The following RTL4 variants were observed in gnomAD, a reference collection of about 807,000 sequenced individuals.
The protein encoded by RTL4 is retrotransposon Gag-like protein 4.
Under a neutral mutation model 5.3 loss-of-function variants are expected in RTL4, and 4 were observed. The observed-to-expected ratio is 0.75, with a 90% CI of 0.37 to 1.72. RTL4 has a LOEUF of 1.72. Among genes scored for constraint, RTL4 ranks in the 40% most tolerant of loss-of-function variants. The pLI is 0.04. For missense variants in RTL4, 260 were observed against 227.1 expected, an observed-to-expected ratio of 1.14 and a Z score of -0.93; for synonymous variants, 98 against 87.3, an observed-to-expected ratio of 1.12 and a Z score of -0.68.
At chrX:112,086,812 A>G in the RTL4 span, among the ~76,000 whole-genome samples, 1 of 112,387 alleles carries the variant, frequency 8.9e-6, no homozygotes, top group African/African-American at 3.2e-5. Context: ...TATTTAAATA[A>G]AAGTTTTGCC....
chrX:112,331,657 G>A, the RTL4 span, among the ~76,000 whole-genome samples: 1 of 106,691 alleles, frequency 9.4e-6, no homozygotes, highest in African/African-American at 3.4e-5. Context: ...GCCATTACTG[G>A]GTATATACCC....
chrX:112,096,854 G>A, the RTL4 span, among the ~76,000 whole-genome samples: 1 of 112,296 alleles, frequency 8.9e-6, no homozygotes, highest in Non-Finnish European at 1.9e-5. Context: ...ATTGGAAGAT[G>A]CCATCATGAC....
At chrX:112,288,751 G>T in the RTL4 span, among the ~76,000 whole-genome samples, 1 of 111,584 alleles carries the variant, frequency 9.0e-6, no homozygotes, top group African/African-American at 3.3e-5. Flanking sequence ...CTGTAATATT[G>T]CTGGTCATGA....
chrX:112,284,645 T>C, the RTL4 span, among the ~76,000 whole-genome samples: 1 of 111,299 alleles, frequency 9.0e-6, no homozygotes, highest in Non-Finnish European at 1.9e-5. Flanking sequence ...GTTCAGGTTG[T>C]AATCATTCTA....
chrX:112,324,433 GT>G, the RTL4 span, among the ~76,000 whole-genome samples: 1 of 111,161 alleles, frequency 9.0e-6, no homozygotes, highest in South Asian at 3.7e-4. Context: ...ATGCTATATA[GT>G]TTTTTTTGCT....
the RTL4 span, among the ~76,000 whole-genome samples, chrX:112,336,300 C>A: frequency 9.0e-6 from 1 of 111,488 alleles, no homozygotes; most frequent in Non-Finnish European, 1.9e-5. Context: ...GCTGTCTTAC[C>A]TGAGAAAGGC....
At chrX:112,217,841 A>T in the RTL4 span, among the ~76,000 whole-genome samples, 3 of 111,696 alleles carry the variant, frequency 2.7e-5, no homozygotes, top group Non-Finnish European at 5.6e-5. Flanking sequence ...TTTCATTAAG[A>T]CTTAATTCTC....
At chrX:112,222,123 A>C in the RTL4 span, among the ~76,000 whole-genome samples, 4 of 111,720 alleles carry the variant, frequency 3.6e-5, no homozygotes, top group African/African-American at 9.8e-5. Context: ...ATTTTCTTGA[A>C]TATATGGAGG....
At chrX:112,343,781 C>T in the RTL4 span, among the ~76,000 whole-genome samples, 4,584 of 111,375 alleles carry the variant, frequency 0.041, 249 homozygotes, top group African/African-American at 0.14. Context: ...TGGTCAGAAG[C>T]GGGAGGAAAC....
At chrX:112,330,353 T>C in the RTL4 span, among the ~76,000 whole-genome samples, 1 of 87,027 alleles carries the variant, frequency 1.1e-5, no homozygotes, top group Non-Finnish European at 2.1e-5. Context: ...ACAAGCATTC[T>C]TATACACCAA....
chrX:112,352,785 A>T, the RTL4 span, among the ~76,000 whole-genome samples: 25 of 111,759 alleles, frequency 2.2e-4, no homozygotes, highest in African/African-American at 6.5e-4. Flanking sequence ...GGACTTCATG[A>T]CTAAAACACC....
At chrX:112,318,297 C>G in the RTL4 span, among the ~76,000 whole-genome samples, 1 of 111,560 alleles carries the variant, frequency 9.0e-6, no homozygotes, top group African/African-American at 3.3e-5. Flanking sequence ...CCTTAAACAT[C>G]TTACCCAATA....
At chrX:112,090,410 G>T in the RTL4 span, among the ~76,000 whole-genome samples, 1 of 111,130 alleles carries the variant, frequency 9.0e-6, no homozygotes, top group South Asian at 3.7e-4. Flanking sequence ...CAGGTTGAAG[G>T]AGTTGCTTTC....
At chrX:112,100,958 G>C in the RTL4 span, among the ~76,000 whole-genome samples, 1 of 111,853 alleles carries the variant, frequency 8.9e-6, no homozygotes, top group Non-Finnish European at 1.9e-5. Context: ...CCTTACAACT[G>C]TCTTAGTTTT....
exon 1 of RTL4, chrX:112,454,504 T>C: frequency 8.2e-6 from 3 of 365,809 alleles, no homozygotes; most frequent in Non-Finnish European, 1.4e-5. Flanking sequence ...TTGCAGACCA[T>C]TGGCCTTTTC....
the RTL4 span, among the ~76,000 whole-genome samples, chrX:112,309,891 C>T: frequency 1.3e-4 from 13 of 102,306 alleles, no homozygotes; most frequent in African/African-American, 4.9e-4. Flanking sequence ...TACACACACA[C>T]ACACATATAT....
the RTL4 span, among the ~76,000 whole-genome samples, chrX:112,217,896 A>G: frequency 2.7e-5 from 3 of 111,419 alleles, no homozygotes; most frequent in Non-Finnish European, 5.6e-5. Context: ...CCTTGCAAAA[A>G]TGGAAATCAA....
chrX:112,234,421 T>C, the RTL4 span, among the ~76,000 whole-genome samples: 1 of 111,132 alleles, frequency 9.0e-6, no homozygotes, highest in South Asian at 3.8e-4. Flanking sequence ...CCTGGATTAA[T>C]ACAAAATAGT....
the RTL4 span, among the ~76,000 whole-genome samples, chrX:112,166,154 C>T: frequency 8.9e-6 from 1 of 111,837 alleles, no homozygotes; most frequent in Non-Finnish European, 1.9e-5. Context: ...TTCAGAGACC[C>T]CGTCCAGTGA....
Sources: allele counts gnomAD v4.1 joint callset (sites outside exome capture counted in the v4.1 genomes callset), GRCh38; gene constraint gnomAD v4.1.1; transcripts MANE v1.5; gene names NCBI Gene and HGNC (gene_info 2026-07-23, HGNC 2026-07-21).